The following TRIM37 variants were observed in gnomAD, a reference collection of about 807,000 sequenced individuals.
TRIM37 encodes E3 ubiquitin-protein ligase TRIM37.
A neutral mutation model predicts 129.8 loss-of-function variants in TRIM37; 80 were observed. The observed-to-expected ratio is 0.62, with a 90% CI of 0.51 to 0.74. The LOEUF (loss-of-function observed/expected upper bound fraction) is 0.74. TRIM37 is among the 30% of genes least tolerant of loss of function. The pLI is 0.00. For missense variants in TRIM37, 1,054 were observed against 1,176.5 expected (o/e 0.90, Z 1.52); for synonymous variants, 389 against 387.1 (o/e 1.00, Z -0.06).
At chr17:58,973,951 CAAAAAAAAAAAAAAA>C in the TRIM37 span, among the ~76,000 whole-genome samples, 5 of 55,468 alleles carry the variant, frequency 9.0e-5, no homozygotes, top group African/African-American at 4.0e-4. Context: ...GACTCCATCT[CAAAAAAAAAAAAAAA>C]AAAAAAAAAA....
intron 3 of TRIM37, among the ~76,000 whole-genome samples, chr17:59,091,039 T>G (rs1226376421): frequency 6.6e-6 from 1 of 152,142 alleles, no homozygotes; most frequent in African/African-American, 2.4e-5. Flanking sequence ...ATTAAAAATT[T>G]GTTGCTTAAT....
At chr17:59,065,166 T>C (rs2041830298) in intron 9 of TRIM37, among the ~76,000 whole-genome samples, 1 of 152,134 alleles carries the variant, frequency 6.6e-6, no homozygotes, top group Non-Finnish European at 1.5e-5. Flanking sequence ...CTTTAAAAAG[T>C]ACTCATGGAA....
At chr17:58,980,451 T>C, downstream of TRIM37, 1 of 1,614,170 alleles carries the variant, frequency 6.2e-7, no homozygotes, top group Non-Finnish European at 8.5e-7. This position sits in a 1 kb window ranked among gnomAD's most constrained non-coding sequence, Gnocchi z 4.7. Context: ...CAAATCAACG[T>C]GCTGGAAGAC....
intron 18 of TRIM37, among the ~76,000 whole-genome samples, 196 bp from the exon 19 acceptor site, chr17:59,028,919 A>T (rs2037527867): frequency 6.6e-6 from 1 of 152,220 alleles, no homozygotes; most frequent in Non-Finnish European, 1.5e-5. Flanking sequence ...TCAGAGTTAG[A>T]ATCTGAGTCA....
chr17:59,091,568 A>ATT (rs1555695366), intron 2 of TRIM37, among the ~76,000 whole-genome samples: 2,017 of 67,388 alleles, frequency 0.03, 73 homozygotes, highest in Admixed American at 0.098. Context: ...TTATATATAT[A>ATT]ATATATATAA....
At position 59,012,461 on chromosome 17, in the gene TRIM37, C is replaced by T. The variant is rs769093458; in HGVS notation, c.2577-15G>A. On this transcript the variant is annotated splice_polypyrimidine_tract_variant and intron_variant, in intron 21 of 23. Coordinates refer to ENST00000262294, the MANE Select transcript of TRIM37 (RefSeq NM_015294.6). The stretch of plus-strand genomic sequence containing the variant: ...TAGCATTAGCCCTCAAAGAAGAAAA[C>T]AACTTGATATTTCTCTATAACTAGT... 82 of 1,512,350 alleles carry T rather than the reference C, an allele frequency of 5.4e-5. No homozygotes were observed. The highest frequency in any genetic ancestry group is 7.4e-5 in the Non-Finnish European group (81 of 1,094,378). The allele number at this position is 1,512,350 out of a possible 1,614,324, so 93.7% of individuals were successfully genotyped here. A position where few individuals can be genotyped will look rare whatever the true frequency, so the allele number is the denominator to read the frequency against.
In TRIM37 at chr17:59,042,105, G is replaced by A. The variant is rs143735646; in HGVS notation, c.1668-207C>T. 9.6e-3 allele frequency among the ~76,000 whole-genome samples: 1,450 copies of A among 150,846 alleles called. 19 individuals are homozygous for A. Among genetic ancestry groups the A allele is most frequent in the African/African-American group, 0.033 (1,350 of 41,064 alleles). On this transcript the variant is annotated intron_variant, in intron 16 of 23. Coordinates refer to ENST00000262294, the MANE Select transcript of TRIM37 (RefSeq NM_015294.6). ...CCTTTAAAAAATATCGGCCGGGCGC[G>A]GTGGCTCATGCCTGTAATCCCAGCA...
chr17:58,971,333 C>T, the TRIM37 span, among the ~76,000 whole-genome samples: 1 of 152,064 alleles, frequency 6.6e-6, no homozygotes, highest in African/African-American at 2.4e-5. Context: ...TACAAGAGAC[C>T]TTTTACCACC....
intron 18 of TRIM37, among the ~76,000 whole-genome samples, chr17:59,030,294 A>C (rs542724386): frequency 6.6e-6 from 1 of 152,270 alleles, no homozygotes; most frequent in East Asian, 1.9e-4. Flanking sequence ...TTTAGTAGAG[A>C]CAGGGTTTCA....
At chr17:59,050,423 T>G (rs1285259126) in intron 14 of TRIM37, among the ~76,000 whole-genome samples, 2 of 152,232 alleles carry the variant, frequency 1.3e-5, no homozygotes, top group Non-Finnish European at 2.9e-5. Flanking sequence ...CCAGGCACAG[T>G]GGCTCACACC....
intron 7 of TRIM37, among the ~76,000 whole-genome samples, chr17:59,078,922 A>G (rs912677638): frequency 6.6e-6 from 1 of 152,218 alleles, no homozygotes; most frequent in East Asian, 1.9e-4. Flanking sequence ...AATTCATGAA[A>G]TGATATACAA....
At chr17:59,040,766 G>T (rs2039049626) in intron 17 of TRIM37, among the ~76,000 whole-genome samples, 1 of 152,112 alleles carries the variant, frequency 6.6e-6, no homozygotes, top group African/African-American at 2.4e-5. Context: ...AATATGCCAG[G>T]CCGGGCGCGG....
At chr17:59,001,407 C>T (rs2144514100) in intron 23 of TRIM37, among the ~76,000 whole-genome samples, 191 bp downstream of exon 23, 1 of 148,540 alleles carries the variant, frequency 6.7e-6, no homozygotes, top group South Asian at 2.1e-4. Flanking sequence ...TTTTAGTACT[C>T]ACCATAATAG....
chr17:59,037,808 G>A (rs1418431645), intron 17 of TRIM37, among the ~76,000 whole-genome samples: 1 of 151,874 alleles, frequency 6.6e-6, no homozygotes, highest in Non-Finnish European at 1.5e-5. Flanking sequence ...TTCTTTTTCT[G>A]TTCCAGAGTC....
chr17:59,047,625 AAT>A, intron 16 of TRIM37, 56 bp downstream of exon 16: 1 of 1,535,866 alleles, frequency 6.5e-7, no homozygotes, highest in Admixed American at 1.7e-5. Flanking sequence ...TGAGTTAGTT[AAT>A]ATGCTTCTAA....
At chr17:58,995,181 C>T (rs1448966004), downstream of TRIM37, among the ~76,000 whole-genome samples, 2 of 152,028 alleles carry the variant, frequency 1.3e-5, no homozygotes, top group South Asian at 2.1e-4. Context: ...CCCAAGTAGC[C>T]GGGACCACAG....
the TRIM37 span, chr17:58,969,636 G>T: frequency 1.2e-6 from 2 of 1,613,976 alleles, no homozygotes; most frequent in African/African-American, 1.3e-5. Flanking sequence ...AACTTAGTCC[G>T]CCAGGAGATG....
At chr17:59,011,822 C>A (rs2035289749) in intron 22 of TRIM37, among the ~76,000 whole-genome samples, 1 of 152,176 alleles carries the variant, frequency 6.6e-6, no homozygotes, top group South Asian at 2.1e-4. Flanking sequence ...TCTACAGACA[C>A]TAATTAAGAC....
intron 9 of TRIM37, among the ~76,000 whole-genome samples, chr17:59,067,354 T>C (rs1276709406): frequency 6.6e-6 from 1 of 152,184 alleles, no homozygotes; most frequent in Non-Finnish European, 1.5e-5. Flanking sequence ...CATCTCATGA[T>C]GGTGTCAGTG....
Sources: gnomAD v4.1 joint callset for allele counts (sites outside exome capture counted in the v4.1 genomes callset) on GRCh38, gnomAD v4.1.1 for gene constraint, Gnocchi (gnomAD v3.1) non-coding constraint, MANE v1.5 for transcripts, NCBI Gene and HGNC (gene_info 2026-07-23, HGNC 2026-07-21) for gene names.